CFAP206: variants seen among roughly 807,000 people sequenced by gnomAD.
CFAP206 encodes the protein cilia- and flagella-associated protein 206.
A neutral mutation model predicts 65.4 loss-of-function variants in CFAP206; 53 were observed. The ratio of observed to expected loss-of-function variants is 0.81; its 90% CI spans 0.65 to 1.02. The LOEUF (loss-of-function observed/expected upper bound fraction) is 1.02, where lower values mean the gene tolerates loss of function less well. Among genes scored for constraint, CFAP206 ranks in the 50% least tolerant of loss-of-function variants. The pLI is 0.00. For synonymous variants in CFAP206, 250 were observed against 254.4 expected (o/e 0.98, Z 0.17); for missense variants, 663 against 753.2 (o/e 0.88, Z 1.40).
At chr6:87,416,950 G>T in intron 6 of CFAP206, 123 bp downstream of exon 6, 1 of 840,340 alleles carries the variant, frequency 1.2e-6, no homozygotes, top group Non-Finnish European at 1.8e-6. Context: ...ATTTTTTACT[G>T]TTTCCTTAAG....
intron 11 of CFAP206, among the ~76,000 whole-genome samples, chr6:87,451,564 A>G (rs1768543365): frequency 6.6e-6 from 1 of 151,988 alleles, no homozygotes; most frequent in Non-Finnish European, 1.5e-5. Flanking sequence ...GACCCAGTAC[A>G]TGCTGGCTTC....
chr6:87,451,683 C>T (rs1768546175), intron 11 of CFAP206, among the ~76,000 whole-genome samples: 1 of 151,864 alleles, frequency 6.6e-6, no homozygotes, highest in Admixed American at 6.6e-5. Flanking sequence ...ACTTGGGTAC[C>T]AGCTCAGTCA....
At chr6:87,412,653 TA>T (rs1334995196) in intron 3 of CFAP206, among the ~76,000 whole-genome samples, 1 of 152,006 alleles carries the variant, frequency 6.6e-6, no homozygotes, top group African/African-American at 2.4e-5. Context: ...TAATTTAATT[TA>T]ATTTAATTAT....
chr6:87,422,929 T>G (rs1412706704), intron 7 of CFAP206, among the ~76,000 whole-genome samples: 1 of 152,098 alleles, frequency 6.6e-6, no homozygotes, highest in African/African-American at 2.4e-5. Context: ...CTAGAGTATT[T>G]TTTTTCTTTT....
intron 11 of CFAP206, 85 bp from the exon 12 acceptor site, chr6:87,460,937 T>A: frequency 1.7e-6 from 2 of 1,194,918 alleles, no homozygotes; most frequent in Non-Finnish European, 2.3e-6. Flanking sequence ...TTTAAGTGTT[T>A]TGTTAGTTTT....
chr6:87,430,560 T>A (rs1247240633), intron 9 of CFAP206, among the ~76,000 whole-genome samples: 4 of 152,198 alleles, frequency 2.6e-5, no homozygotes, highest in Non-Finnish European at 5.9e-5. Context: ...ATATTAAACA[T>A]ATTTTGCCAC....
intron 11 of CFAP206, among the ~76,000 whole-genome samples, chr6:87,460,348 A>G (rs1413178185): frequency 6.6e-6 from 1 of 152,246 alleles, no homozygotes; most frequent in African/African-American, 2.4e-5. Flanking sequence ...CTTGAGTTCA[A>G]CATATGTCTT....
intron 3 of CFAP206, among the ~76,000 whole-genome samples, chr6:87,412,455 C>G (rs1406828344): frequency 6.6e-6 from 1 of 151,816 alleles, no homozygotes; most frequent in Admixed American, 6.6e-5. Context: ...GGGAGGTGAC[C>G]AGTAGAGATG....
chr6:87,463,900 T>C (rs1768782129), intron 12 of CFAP206, 120 bp from the exon 13 acceptor site: 1 of 642,626 alleles, frequency 1.6e-6, no homozygotes, highest in African/African-American at 1.8e-5. Flanking sequence ...TGCTATGTTA[T>C]GGAATTAATT....
chr6:87,461,137 G>T lies in CFAP206; in HGVS notation c.1610G>T (p.Trp537Leu). The T allele has an allele frequency of 6.4e-7, 1 of 1,568,564 alleles. No individual in the cohort carries two copies. The highest frequency in any genetic ancestry group is 8.6e-7 in the Non-Finnish European group (1 of 1,164,254). The change falls in exon 12 of 13, where the codon TGG becomes TTG. Residue 537 changes from tryptophan to leucine, a missense_variant. Trp to Leu is a moderately conservative substitution (Grantham distance 61). Coordinates refer to ENST00000369562, the MANE Select transcript of CFAP206 (RefSeq NM_001031743.3). The stretch of plus-strand genomic sequence containing the variant: ...GTGAGATCATATGAGTGGAATGAAT[G>T]GGAATTAAGAAGAAAAGCTATAAAA... ...TIVRSYEWNE[W>L]ELRRKAIKLA...
At chr6:87,452,706 C>T (rs1171809598) in intron 11 of CFAP206, among the ~76,000 whole-genome samples, 1 of 151,900 alleles carries the variant, frequency 6.6e-6, no homozygotes, top group Non-Finnish European at 1.5e-5. Context: ...GTATCAAAGT[C>T]TCTCAATAAA....
intron 11 of CFAP206, among the ~76,000 whole-genome samples, chr6:87,437,722 C>T (rs1768297244): frequency 6.6e-6 from 1 of 151,496 alleles, no homozygotes; most frequent in African/African-American, 2.4e-5. Context: ...ATGACATGAA[C>T]ATGGCTCACT....
intron 11 of CFAP206, chr6:87,436,842 G>A (rs1451025737): frequency 6.6e-6 from 1 of 152,144 alleles, no homozygotes; most frequent in Non-Finnish European, 1.5e-5. Context: ...CCACTAAAAA[G>A]TTACTCTGAA....
At chr6:87,438,319 G>A (rs1768308217) in intron 11 of CFAP206, among the ~76,000 whole-genome samples, 1 of 151,952 alleles carries the variant, frequency 6.6e-6, no homozygotes, top group Admixed American at 6.6e-5. Flanking sequence ...AAATTAGCTG[G>A]GTGTCTTGGC....
At chr6:87,435,528 C>T (rs762176601) in intron 11 of CFAP206, 63 of 152,542 alleles carry the variant, frequency 4.1e-4, no homozygotes, top group Non-Finnish European at 8.2e-4. Flanking sequence ...TATTGTGTGT[C>T]AGTAATTATT....
At position 87,461,036 on chromosome 6, in the gene CFAP206, C is replaced by A. The variant is rs1469938390; in HGVS notation, c.1509C>A (p.Asp503Glu). The change falls in exon 12 of 13, where the codon GAC becomes GAA. Residue 503 changes from aspartate (D) to glutamate (E), a missense_variant. Transcript: ENST00000369562. ...CACTTCTTTAGATGAGAGATGCTGA[C>A]AAACATTATATAAAACCAATTACAA... Reference protein sequence around the residue: ...FIPYSQMRDADKHYIKPITKC... With the variant: ...FIPYSQMRDAEKHYIKPITKC... 1.3e-6 allele frequency: 2 copies of A among 1,578,472 alleles called. No homozygotes were observed. The highest frequency in any genetic ancestry group is 1.4e-5 in the African/African-American group (1 of 72,408).
At chr6:87,416,971 G>A (rs1767843863) in intron 6 of CFAP206, 144 bp downstream of exon 6, 1 of 703,400 alleles carries the variant, frequency 1.4e-6, no homozygotes, top group Non-Finnish European at 2.3e-6. Context: ...AATAACTACT[G>A]TTTATAATGT....
rs1474733895 is a variant in CFAP206, at chr6:87,464,187, A to G, written c.1806A>G (p.Gly602=). The change falls in exon 13 of 13, where the codon GGA becomes GGG. Residue 602 remains glycine, a synonymous_variant. Transcript: ENST00000369562. ...AGATTTACTTGGCTGGTCTTCGTGG[A>G]GGAAAGAGCGAAATCACCGATGAGG... The part of the protein sequence containing the change: ...RPQIYLAGLR[G]GKSEITDEVK... The G allele has an allele frequency of 6.2e-7, 1 of 1,614,086 alleles. No individual in the cohort carries two copies. Among genetic ancestry groups the G allele is most frequent in the Non-Finnish European group, 8.5e-7 (1 of 1,180,030 alleles).
At chr6:87,423,256 T>C (rs1269189894) in intron 7 of CFAP206, among the ~76,000 whole-genome samples, 1 of 147,538 alleles carries the variant, frequency 6.8e-6, no homozygotes, top group Non-Finnish European at 1.5e-5. Flanking sequence ...TTATTTTTCT[T>C]TTTTTTTTTT....
Sources: gnomAD v4.1 joint callset for allele counts (sites outside exome capture counted in the v4.1 genomes callset) on GRCh38, gnomAD v4.1.1 for gene constraint, MANE v1.5 for transcripts, NCBI Gene and HGNC (gene_info 2026-07-23, HGNC 2026-07-21) for gene names.